BPTF: variants seen among roughly 807,000 people sequenced by gnomAD.
BPTF encodes bromodomain PHD finger transcription factor.
A neutral mutation model predicts 292.5 loss-of-function variants in BPTF; 18 were observed. The observed-to-expected ratio is 0.06, with a 90% CI of 0.04 to 0.09. The LOEUF is 0.09. Among genes scored for constraint, BPTF ranks in the 10% least tolerant of loss-of-function variants. BPTF has a pLI of 1.00. For missense variants in BPTF, 2,726 were observed against 3,498.7 expected (o/e 0.78, Z 5.57); for synonymous variants, 1,225 against 1,251.9 (o/e 0.98, Z 0.45).
intron 18 of BPTF, chr17:67,936,512 G>T (rs1226718647): frequency 2.0e-5 from 3 of 152,166 alleles, no homozygotes; most frequent in Non-Finnish European, 4.4e-5. Context: ...CTATGTAGCT[G>T]TAAGTATGTG....
intron 1 of BPTF, among the ~76,000 whole-genome samples, chr17:67,827,817 T>A (rs1487559623): frequency 5.3e-5 from 8 of 152,132 alleles, no homozygotes; most frequent in Non-Finnish European, 1.5e-5. Context: ...TCGTTGCCAG[T>A]CTTGTCCGGG....
chr17:67,840,908 A>T (rs1379502003), intron 1 of BPTF, among the ~76,000 whole-genome samples: 2 of 152,152 alleles, frequency 1.3e-5, no homozygotes, highest in Non-Finnish European at 2.9e-5. Context: ...TATTTTGGAT[A>T]TAAGTGCTTT....
Position 67,948,428 on chromosome 17 carries a change from A to G in BPTF, c.7926+122A>G, listed in dbSNP as rs1417446665. The G allele has an allele frequency of 5.4e-6, 5 of 925,752 alleles. No homozygotes were observed. The Admixed American group carries it at 8.6e-5, about 16-fold the overall frequency. 57.3% of individuals were successfully genotyped at this position (925,752 alleles called of 1,614,324 possible). ...TGTTTTCTAGAACTTACATTTGTGT[A>G]CATAGAGTAAAAAGCAGTGCAGCGT... On this transcript the variant is annotated intron_variant, in intron 23 of 27. Coordinates refer to ENST00000306378, the MANE Select transcript of BPTF (RefSeq NM_182641.4).
chr17:67,862,442 A>G (rs141918292), intron 2 of BPTF, among the ~76,000 whole-genome samples: 25 of 152,214 alleles, frequency 1.6e-4, no homozygotes, highest in East Asian at 5.8e-4. Flanking sequence ...CCGTCACCCT[A>G]TTTTTCAGAT....
At chr17:67,859,249 C>T (rs1567918266) in intron 2 of BPTF, among the ~76,000 whole-genome samples, 1 of 152,098 alleles carries the variant, frequency 6.6e-6, no homozygotes, top group Non-Finnish European at 1.5e-5. Flanking sequence ...AGGCTCAGGC[C>T]ATCCTCTCAC....
intron 4 of BPTF, among the ~76,000 whole-genome samples, chr17:67,889,579 G>A (rs2060971754): frequency 6.6e-6 from 1 of 152,062 alleles, no homozygotes; most frequent in South Asian, 2.1e-4. Flanking sequence ...AGGCTGAGAC[G>A]GGTGGATCAC....
chr17:67,848,791 TA>T (rs2058211994), intron 1 of BPTF, among the ~76,000 whole-genome samples: 1 of 152,162 alleles, frequency 6.6e-6, no homozygotes, highest in Non-Finnish European at 1.5e-5. Flanking sequence ...CTAATTAGAA[TA>T]CCTATACATT....
rs773118573 is a variant in BPTF at position 67,928,378 on chromosome 17, G to A, written c.5775G>A (p.Pro1925=). The A allele has an allele frequency of 1.3e-5, 21 of 1,612,736 alleles. No individual in the cohort carries two copies. Among genetic ancestry groups the A allele is most frequent in the South Asian group, 2.2e-5 (2 of 90,960 alleles). Residue 1925 remains proline (P), a synonymous_variant, in exon 16 of 28, where the codon CCG becomes CCA. Transcript: ENST00000306378. ...AGAAACGACTGGAGCAGCAGAAGCC[G>A]ACAGTGATTGCAACTTCCACTACTT... is the stretch of plus-strand genomic sequence containing the variant. ...QAKKRLEQQK[P]TVIATSTTSP...
intron 3 of BPTF, among the ~76,000 whole-genome samples, chr17:67,873,569 A>G (rs913833886): frequency 1.3e-5 from 2 of 152,128 alleles, no homozygotes; most frequent in African/African-American, 4.8e-5. Flanking sequence ...TTCCGAAACT[A>G]TTTTACTGTG....
At chr17:67,872,277 A>G (rs942786341) in intron 3 of BPTF, among the ~76,000 whole-genome samples, 1 of 152,240 alleles carries the variant, frequency 6.6e-6, no homozygotes, top group Admixed American at 6.5e-5. Context: ...TGGTCATGCA[A>G]CCTGTGCTTT....
rs1177408945 is a variant in BPTF, at chr17:67,930,192, A to AT, written c.6150+707dup. Reference sequence around the variant, plus strand: ...TTGTTATCAGCTGATATGTGCACATATTAGATACATCATTTCTTTTTTTGA... The same window carrying AT: ...TTGTTATCAGCTGATATGTGCACATATTTAGATACATCATTTCTTTTTTTGA... On this transcript the variant is annotated intron_variant, in intron 17 of 27. Coordinates refer to ENST00000306378, the MANE Select transcript of BPTF (RefSeq NM_182641.4). Among the ~76,000 whole-genome samples the AT allele has an allele frequency of 5.3e-5, 8 of 151,920 alleles. No individual in the cohort carries two copies. In the East Asian group the frequency reaches 1.2e-3, roughly 22 times the overall value.
intron 26 of BPTF, among the ~76,000 whole-genome samples, chr17:67,973,381 A>T (rs1052345667): frequency 6.6e-6 from 1 of 151,924 alleles, no homozygotes; most frequent in Admixed American, 6.6e-5. Flanking sequence ...CAAGAAAAAA[A>T]AATAAAATAT....
At chr17:67,962,312 GT>G (rs1259378509) in intron 24 of BPTF, among the ~76,000 whole-genome samples, 3 of 152,230 alleles carry the variant, frequency 2.0e-5, no homozygotes, top group Non-Finnish European at 4.4e-5. Flanking sequence ...AGCAAGGCCA[GT>G]CTGGTTCCCT....
intron 9 of BPTF, among the ~76,000 whole-genome samples, chr17:67,909,318 C>T (rs2062488013): frequency 8.0e-6 from 1 of 125,280 alleles, no homozygotes; most frequent in Admixed American, 9.6e-5. Flanking sequence ...AACAAATTTC[C>T]TAAATCATAT....
chr17:67,918,379 A>G (rs2063197426), intron 11 of BPTF, among the ~76,000 whole-genome samples: 2 of 152,168 alleles, frequency 1.3e-5, no homozygotes, highest in Non-Finnish European at 2.9e-5. Flanking sequence ...TTCCTAACAG[A>G]TATTTTGGAA....
rs2067689572 is a variant in BPTF, at chr17:67,963,222, T to C, written c.8262-990T>C. 8.7e-6 allele frequency: 11 copies of C among 1,261,218 alleles called. No individual in the cohort carries two copies. In the South Asian group the frequency reaches 1.5e-4, roughly 17 times the overall value. 78.1% of individuals were successfully genotyped at this position (1,261,218 alleles called of 1,614,324 possible). ...GATTCAGAAATGTTTAGCTGACTCATTGCAGGAAGTTACACTGTAAAAAAG... is the reference window on the plus strand; with the variant it reads ...GATTCAGAAATGTTTAGCTGACTCACTGCAGGAAGTTACACTGTAAAAAAG... On this transcript the variant is annotated intron_variant, in intron 24 of 27. Transcript: ENST00000306378.
At chr17:67,906,927 T>C (rs1450226237) in intron 9 of BPTF, among the ~76,000 whole-genome samples, 1 of 152,116 alleles carries the variant, frequency 6.6e-6, no homozygotes. Flanking sequence ...GTGCCATGGC[T>C]CACACCTGTG....
chr17:67,963,593 A>T, intron 24 of BPTF: 5 of 1,258,496 alleles, frequency 4.0e-6, no homozygotes, highest in Non-Finnish European at 5.0e-6. Flanking sequence ...AATAAAAAGC[A>T]GATTTTTTTC....
intron 7 of BPTF, among the ~76,000 whole-genome samples, chr17:67,903,556 CATA>C (rs1198829430): frequency 6.6e-6 from 1 of 152,076 alleles, no homozygotes; most frequent in Non-Finnish European, 1.5e-5. Flanking sequence ...AGAAATAAAT[CATA>C]ATTATTTCTT....
Sources: allele counts gnomAD v4.1 joint callset (sites outside exome capture counted in the v4.1 genomes callset), GRCh38; gene constraint gnomAD v4.1.1; transcripts MANE v1.5; gene names NCBI Gene and HGNC (gene_info 2026-07-23, HGNC 2026-07-21).